Variants in PARD3B observed in about 807,000 individuals in gnomAD.
PARD3B encodes the protein par-3 family cell polarity regulator beta.
A neutral mutation model predicts 130.2 loss-of-function variants in PARD3B; 103 were observed. The ratio of observed to expected loss-of-function variants is 0.79; its 90% CI spans 0.67 to 0.93. The LOEUF (loss-of-function observed/expected upper bound fraction) is 0.93. Among genes scored for constraint, PARD3B ranks in the 40% least tolerant of loss-of-function variants. The probability of loss-of-function intolerance (pLI) is 0.00; values close to 1 mark genes in which losing one functional copy is unlikely to be tolerated. For missense variants in PARD3B, 1,609 were observed against 1,499.2 expected (o/e 1.07, Z -1.21); for synonymous variants, 583 against 553.2 (o/e 1.05, Z -0.76).
chr2:204,831,766 A>C (rs1438778728), intron 2 of PARD3B, among the ~76,000 whole-genome samples: 1 of 152,136 alleles, frequency 6.6e-6, no homozygotes, highest in African/African-American at 2.4e-5. Flanking sequence ...TTGAAAGGGG[A>C]CTATTGCAAA....
intron 22 of PARD3B, among the ~76,000 whole-genome samples, chr2:205,606,665 T>A (rs2055010992): frequency 6.6e-6 from 1 of 152,160 alleles, no homozygotes; most frequent in Non-Finnish European, 1.5e-5. Context: ...ACCTTCTGCT[T>A]CTTACTTGCC....
intron 2 of PARD3B, among the ~76,000 whole-genome samples, chr2:204,750,900 A>T (rs1463531668): frequency 6.6e-6 from 1 of 152,158 alleles, no homozygotes; most frequent in African/African-American, 2.4e-5. Flanking sequence ...ACATTTTTTT[A>T]AAAATGTAAA....
At chr2:205,109,650 C>CTTTTTTT (rs35545106) in intron 5 of PARD3B, among the ~76,000 whole-genome samples, 1 of 69,312 alleles carries the variant, frequency 1.4e-5, no homozygotes, top group African/African-American at 5.6e-5. Context: ...AATACCTAAT[C>CTTTTTTT]TTTTTTTTTT....
At chr2:205,499,871 C>G (rs2050092840) in intron 20 of PARD3B, 25 bp from the exon 21 acceptor site, 6 of 1,606,322 alleles carry the variant, frequency 3.7e-6, no homozygotes, top group Non-Finnish European at 5.1e-6. Context: ...CTGTGTGAAT[C>G]TGATTATTTG....
At chr2:204,823,149 TTAAC>T (rs2043431130) in intron 2 of PARD3B, among the ~76,000 whole-genome samples, 1 of 152,124 alleles carries the variant, frequency 6.6e-6, no homozygotes, top group African/African-American at 2.4e-5. Context: ...TGCTCTTACT[TTAAC>T]TGATTGATTG....
At chr2:204,830,133 C>T (rs985664159) in intron 2 of PARD3B, among the ~76,000 whole-genome samples, 5 of 152,128 alleles carry the variant, frequency 3.3e-5, no homozygotes, top group Admixed American at 6.5e-5. Flanking sequence ...ACTTCCCAGC[C>T]ATGCCTGCTG....
chr2:205,533,249 T>C (rs1035524152), intron 21 of PARD3B, among the ~76,000 whole-genome samples: 7 of 152,084 alleles, frequency 4.6e-5, no homozygotes, highest in African/African-American at 1.4e-4. Flanking sequence ...AGAAGGAAAA[T>C]AATGATCATA....
intron 8 of PARD3B, among the ~76,000 whole-genome samples, chr2:205,123,671 AAAT>A (rs10584311): frequency 0.2 from 24,079 of 121,316 alleles, 2,565 homozygotes; most frequent in African/African-American, 0.29. Flanking sequence ...AAAAAAAAAA[AAAT>A]AAGTGGTGGG....
At chr2:204,833,612 A>C (rs923863634) in intron 2 of PARD3B, among the ~76,000 whole-genome samples, 1 of 152,072 alleles carries the variant, frequency 6.6e-6, no homozygotes, top group Non-Finnish European at 1.5e-5. Flanking sequence ...GATAGTAAAT[A>C]AGTCTCAAGA....
chr2:204,567,054 T>G (rs934255994), intron 1 of PARD3B, among the ~76,000 whole-genome samples: 4 of 152,106 alleles, frequency 2.6e-5, no homozygotes, highest in Admixed American at 6.6e-5. Flanking sequence ...AATTTTTGTA[T>G]GTTTAGTAGA....
intron 2 of PARD3B, among the ~76,000 whole-genome samples, chr2:204,702,882 G>A (rs1393070080): frequency 6.6e-6 from 1 of 152,078 alleles, no homozygotes; most frequent in Non-Finnish European, 1.5e-5. Context: ...GGCCAATAGA[G>A]TTATTTGTTT....
At chr2:205,606,300 A>G (rs2054995465) in intron 22 of PARD3B, among the ~76,000 whole-genome samples, 1 of 152,128 alleles carries the variant, frequency 6.6e-6, no homozygotes, top group Admixed American at 6.5e-5. Context: ...TGGGAAAAGC[A>G]TGGTTTCCCA....
At chr2:205,182,222 G>A (rs534262300) in intron 13 of PARD3B, among the ~76,000 whole-genome samples, 2 of 152,104 alleles carry the variant, frequency 1.3e-5, no homozygotes, top group East Asian at 3.9e-4. Context: ...AACCCGGGAG[G>A]CGGAGTTTGC....
chr2:205,298,052 G>C (rs375133654), intron 16 of PARD3B, among the ~76,000 whole-genome samples: 4 of 152,086 alleles, frequency 2.6e-5, no homozygotes, highest in Admixed American at 6.5e-5. Flanking sequence ...CTTCTATCTT[G>C]GACGATTTAT....
intron 22 of PARD3B, among the ~76,000 whole-genome samples, chr2:205,594,244 C>T (rs1024912256): frequency 6.6e-6 from 1 of 152,182 alleles, no homozygotes; most frequent in African/African-American, 2.4e-5. Context: ...ACCCAGTGTC[C>T]GGAGCTCCTA....
chr2:205,097,276 T>G, intron 4 of PARD3B, among the ~76,000 whole-genome samples: 1 of 152,094 alleles, frequency 6.6e-6, no homozygotes, highest in East Asian at 1.9e-4. Context: ...ACATAAGTAA[T>G]AAGGTCAACA....
At chr2:204,562,120 T>TG (rs947062515) in intron 1 of PARD3B, among the ~76,000 whole-genome samples, 5 of 151,896 alleles carry the variant, frequency 3.3e-5, no homozygotes, top group Admixed American at 3.3e-4. Context: ...TTCAGGAGAG[T>TG]ACTTACCTTT....
At chr2:205,238,926 ATATG>A (rs1403442383) in intron 15 of PARD3B, among the ~76,000 whole-genome samples, 1 of 135,964 alleles carries the variant, frequency 7.4e-6, no homozygotes, top group African/African-American at 2.8e-5. Flanking sequence ...GTATATATAT[ATATG>A]TATGTGCATA....
At position 205,458,111 on chromosome 2, in the gene PARD3B, G is replaced by A. The variant is rs933223909; in HGVS notation, c.3044+17439G>A. Among the ~76,000 whole-genome samples the A allele has an allele frequency of 6.6e-6, 1 of 152,012 alleles. No individual in the cohort carries two copies. Among genetic ancestry groups the A allele is most frequent in the Non-Finnish European group, 1.5e-5 (1 of 68,004 alleles). On this transcript the variant is annotated intron_variant, in intron 20 of 22. Coordinates refer to ENST00000406610, the MANE Select transcript of PARD3B (RefSeq NM_001302769.2). This position sits in a 1 kb window ranked among gnomAD's most constrained non-coding sequence, Gnocchi z 4.8. ...GTTTTCAGCAGTTTTACTGTGATGT[G>A]TCTGTGAGCGTGTGTTGGCAGGGAG...
Sources: gnomAD v4.1 joint callset for allele counts (sites outside exome capture counted in the v4.1 genomes callset) on GRCh38, gnomAD v4.1.1 for gene constraint, Gnocchi (gnomAD v3.1) non-coding constraint, MANE v1.5 for transcripts, NCBI Gene and HGNC (gene_info 2026-07-23, HGNC 2026-07-21) for gene names.